The following NT5DC3 variants were observed in gnomAD, a reference collection of about 807,000 sequenced individuals.
NT5DC3 encodes 5'-nucleotidase domain-containing protein 3.
A neutral mutation model predicts 67.8 loss-of-function variants in NT5DC3; 42 were observed. That is an observed-to-expected ratio of 0.62 (90% CI 0.48 to 0.80). The LOEUF is 0.80. Ranked by LOEUF, NT5DC3 falls within the 30% of genes least tolerant of loss-of-function variation. NT5DC3 has a pLI of 0.00. For synonymous variants in NT5DC3, 237 were observed against 255.6 expected (o/e 0.93, Z 0.69); for missense variants, 570 against 696.4 (o/e 0.82, Z 2.04).
At chr12:103,769,451 C>T (rs552205839), downstream of NT5DC3, among the ~76,000 whole-genome samples, 2 of 152,222 alleles carry the variant, frequency 1.3e-5, no homozygotes, top group African/African-American at 4.8e-5. Context: ...CGGAAAACTC[C>T]GTCCCCAACA....
chr12:103,806,382 A>C lies in NT5DC3; in HGVS notation c.469-5T>G. The C allele has an allele frequency of 6.3e-7, 1 of 1,588,634 alleles. No homozygotes were observed. The highest frequency in any genetic ancestry group is 1.1e-5 in the South Asian group (1 of 90,580). On this transcript the variant is annotated splice_region_variant and splice_polypyrimidine_tract_variant and intron_variant, in intron 3 of 13. Transcript: ENST00000392876. Reference sequence around the variant, plus strand: ...ATCGATCTTCATTAATACTGCCTTTAAAAACATAAACATATGCACATGTAA... The same window carrying C: ...ATCGATCTTCATTAATACTGCCTTTCAAAACATAAACATATGCACATGTAA...
intron 1 of NT5DC3, among the ~76,000 whole-genome samples, chr12:103,838,717 A>G (rs1265731907): frequency 6.6e-6 from 1 of 152,074 alleles, no homozygotes; most frequent in Non-Finnish European, 1.5e-5. Flanking sequence ...AATAGAGTTA[A>G]TCTGTGGTTA....
the NT5DC3 span, among the ~76,000 whole-genome samples, chr12:103,753,667 A>G: frequency 6.6e-6 from 1 of 152,200 alleles, no homozygotes; most frequent in Non-Finnish European, 1.5e-5. Flanking sequence ...GCCTGATGTC[A>G]CCCAGCCAAG....
the NT5DC3 span, among the ~76,000 whole-genome samples, chr12:103,747,894 C>T: frequency 6.6e-6 from 1 of 150,766 alleles, no homozygotes; most frequent in Non-Finnish European, 1.5e-5. Context: ...ACTTGGGAGG[C>T]TGAGGCAGGA....
At chr12:103,788,127 A>G (rs922806392) in intron 10 of NT5DC3, among the ~76,000 whole-genome samples, 1 of 152,210 alleles carries the variant, frequency 6.6e-6, no homozygotes, top group South Asian at 2.1e-4. Context: ...TGAAAGCCTC[A>G]TATGACACCA....
downstream of NT5DC3, among the ~76,000 whole-genome samples, chr12:103,770,099 ACAT>A (rs1885147360): frequency 6.6e-6 from 1 of 152,232 alleles, no homozygotes; most frequent in African/African-American, 2.4e-5. Flanking sequence ...TTCATAGAAA[ACAT>A]GGCCTATCCT....
chr12:103,749,874 C>CAAAAAAA, the NT5DC3 span, among the ~76,000 whole-genome samples: 2 of 82,268 alleles, frequency 2.4e-5, no homozygotes, highest in Non-Finnish European at 5.2e-5. Flanking sequence ...AAAAAAAAAG[C>CAAAAAAA]TGGTAAGATG....
intron 2 of NT5DC3, among the ~76,000 whole-genome samples, chr12:103,812,006 T>A (rs978203955): frequency 3.9e-5 from 6 of 152,018 alleles, no homozygotes; most frequent in African/African-American, 1.2e-4. Context: ...GGTGTGAAGC[T>A]GGGAGATGAA....
chr12:103,818,646 G>A (rs573496263), intron 1 of NT5DC3, among the ~76,000 whole-genome samples: 1 of 152,072 alleles, frequency 6.6e-6, no homozygotes, highest in African/African-American at 2.4e-5. Flanking sequence ...AAAGTGCTGG[G>A]GTTACCAGCG....
intron 4 of NT5DC3, among the ~76,000 whole-genome samples, chr12:103,800,241 C>G (rs760064434): frequency 2.0e-5 from 3 of 152,210 alleles, no homozygotes; most frequent in Non-Finnish European, 4.4e-5. Flanking sequence ...TGAGTGGATT[C>G]ATTAATATTT....
At chr12:103,761,395 AC>A in the NT5DC3 span, 1 of 1,612,996 alleles carries the variant, frequency 6.2e-7, no homozygotes, top group Non-Finnish European at 8.5e-7. Flanking sequence ...CTTTAAAAGC[AC>A]CCCCTGCCCC....
intron 2 of NT5DC3, 115 bp from the exon 3 acceptor site, chr12:103,807,044 G>T: frequency 1.5e-6 from 1 of 651,642 alleles, no homozygotes; most frequent in South Asian, 1.7e-5. Context: ...GGGAGGTTGG[G>T]GTCAGAAGGG....
At chr12:103,750,445 C>T in the NT5DC3 span, 134 of 1,087,314 alleles carry the variant, frequency 1.2e-4, 2 homozygotes, top group East Asian at 2.1e-3. Flanking sequence ...CAGTTATTCC[C>T]ACTGGACAGG....
intron 12 of NT5DC3, among the ~76,000 whole-genome samples, chr12:103,781,515 T>C (rs540863134): frequency 1.3e-5 from 2 of 152,336 alleles, no homozygotes; most frequent in East Asian, 3.9e-4. Context: ...TGCCCTGCCA[T>C]GAACCTTTCC....
At chr12:103,811,588 C>G (rs1887034361) in intron 2 of NT5DC3, among the ~76,000 whole-genome samples, 1 of 152,174 alleles carries the variant, frequency 6.6e-6, no homozygotes. Flanking sequence ...CTGTCAAAGC[C>G]AAGAGGCGCC....
chr12:103,835,669 G>A (rs1467835068), intron 1 of NT5DC3, among the ~76,000 whole-genome samples: 2 of 152,028 alleles, frequency 1.3e-5, no homozygotes, highest in Non-Finnish European at 2.9e-5. Context: ...GCATCTGCTG[G>A]GTGCCAAGCA....
the NT5DC3 span, among the ~76,000 whole-genome samples, chr12:103,757,169 G>C: frequency 6.6e-6 from 1 of 151,456 alleles, no homozygotes; most frequent in East Asian, 2.0e-4. Flanking sequence ...GCTCATGGCA[G>C]CCTCAACCTC....
intron 12 of NT5DC3, among the ~76,000 whole-genome samples, chr12:103,784,937 T>C (rs886106508): frequency 6.6e-6 from 1 of 152,192 alleles, no homozygotes; most frequent in Non-Finnish European, 1.5e-5. Context: ...GTGCCTAGAC[T>C]GAAGTTTTCG....
intron 1 of NT5DC3, among the ~76,000 whole-genome samples, chr12:103,838,790 T>G (rs879607893): frequency 2.0e-5 from 3 of 152,190 alleles, no homozygotes; most frequent in Non-Finnish European, 4.4e-5. Context: ...AATGCACTAT[T>G]GATACAATAC....
Sources: allele counts gnomAD v4.1 joint callset (sites outside exome capture counted in the v4.1 genomes callset), GRCh38; gene constraint gnomAD v4.1.1; transcripts MANE v1.5; gene names NCBI Gene and HGNC (gene_info 2026-07-23, HGNC 2026-07-21).